ACO2: variants seen among roughly 807,000 people sequenced by gnomAD.
ACO2 encodes the protein aconitase 2, also known as aconitate hydratase, mitochondrial.
Under a neutral mutation model 84.5 loss-of-function variants are expected in ACO2, and 31 were observed. That is an observed-to-expected ratio of 0.37 (90% confidence interval 0.28 to 0.50). The LOEUF (loss-of-function observed/expected upper bound fraction) is 0.50, where lower values mean the gene tolerates loss of function less well. Ranked by LOEUF, ACO2 falls within the 20% of genes least tolerant of loss-of-function variation. The pLI is 0.97. For synonymous variants in ACO2, 414 were observed against 412.7 expected (o/e 1.00, Z -0.04); for missense variants, 685 against 1,029.3 (o/e 0.67, Z 4.58).
rs59945427 is a variant in ACO2 at position 41,505,427 on chromosome 22, C to CAATAATAAT, written c.174-2345_174-2337dup. On this transcript the variant is annotated intron_variant, in intron 2 of 17. Transcript: ENST00000216254. ...GCAAGACCCTGTCTCAAAATAATAA[C>CAATAATAAT]AATAATAATAATAATAATAATAATA... Among the ~76,000 whole-genome samples, 1,080 of 148,772 alleles carry CAATAATAAT rather than the reference C, an allele frequency of 7.3e-3. 18 individuals carry two copies. The highest frequency in any genetic ancestry group is 0.026 in the African/African-American group (1,034 of 40,488).
chr22:41,522,911 G>GC lies in ACO2; in HGVS notation c.1222dup (p.Leu408ProfsTer21). 1 of 1,614,214 alleles carries GC rather than the reference G, an allele frequency of 6.2e-7. No homozygotes were observed. Among genetic ancestry groups the GC allele is most frequent in the Non-Finnish European group, 8.5e-7 (1 of 1,180,040 alleles). ...GTGGCCAAGCAGGCACTGGCCCATGGCCTCAAGTGCAAGTCCCAGTTCACC... is the reference window on the plus strand; with the variant it reads ...GTGGCCAAGCAGGCACTGGCCCATGGCCCTCAAGTGCAAGTCCCAGTTCACC... On this transcript the variant is annotated frameshift_variant, in exon 10 of 18. Transcript: ENST00000216254. LOFTEE classifies it high-confidence loss of function.
At chr22:41,503,910 A>G (rs1264774338) in intron 2 of ACO2, among the ~76,000 whole-genome samples, 1 of 152,134 alleles carries the variant, frequency 6.6e-6, no homozygotes, top group Non-Finnish European at 1.5e-5. Flanking sequence ...AGGTGAGGTT[A>G]TGCTAAAAAG....
At chr22:41,513,133 C>G (rs1279017079) in intron 4 of ACO2, among the ~76,000 whole-genome samples, 6 of 152,226 alleles carry the variant, frequency 3.9e-5, no homozygotes, top group African/African-American at 1.2e-4. Context: ...TAGAAAGCCC[C>G]TCTCTGCAGC....
intron 2 of ACO2, among the ~76,000 whole-genome samples, chr22:41,504,911 GT>G (rs1192148048): frequency 6.6e-6 from 1 of 151,290 alleles, no homozygotes; most frequent in Non-Finnish European, 1.5e-5. Context: ...TTTTGTACAG[GT>G]GGAGTTGCCC....
chr22:41,528,271 AC>A, intron 17 of ACO2: 1 of 850,184 alleles, frequency 1.2e-6, no homozygotes, highest in Non-Finnish European at 1.8e-6. Context: ...GGGACAGCCC[AC>A]CCACTGCAGG....
chr22:41,507,428 G>T (rs754173525), intron 2 of ACO2, among the ~76,000 whole-genome samples: 4 of 152,164 alleles, frequency 2.6e-5, no homozygotes, highest in Non-Finnish European at 4.4e-5. Context: ...CTTGGTTGTT[G>T]TTGTTGTTAA....
At chr22:41,523,758 G>T in intron 11 of ACO2, 72 bp from the exon 12 acceptor site, 2 of 1,382,336 alleles carry the variant, frequency 1.4e-6, no homozygotes, top group Middle Eastern at 5.0e-4. Context: ...CAGGAACCCA[G>T]CTTATCTGTC....
chr22:41,477,879 A>G (rs1156975013), intron 1 of ACO2, among the ~76,000 whole-genome samples: 2 of 151,938 alleles, frequency 1.3e-5, no homozygotes, highest in South Asian at 2.1e-4. Context: ...AGTGTGGCCA[A>G]TGTAGTGAAA....
At chr22:41,508,078 C>T (rs1419024947) in intron 3 of ACO2, 29 bp downstream of exon 3, 1 of 1,593,522 alleles carries the variant, frequency 6.3e-7, no homozygotes, top group South Asian at 1.1e-5. Flanking sequence ...TGGGGGTGGG[C>T]AAGTGGGCAA....
chr22:41,519,457 A>T (rs939512214), intron 8 of ACO2, among the ~76,000 whole-genome samples: 1 of 152,268 alleles, frequency 6.6e-6, no homozygotes, highest in African/African-American at 2.4e-5. Flanking sequence ...AGTGCCTCGC[A>T]TTTACTGATG....
Position 41,517,529 on chromosome 22 carries a change from A to G in ACO2, c.838A>G (p.Met280Val), listed in dbSNP as rs372292167. The G allele has an allele frequency of 3.1e-6, 5 of 1,613,592 alleles. No individual in the cohort carries two copies. Among genetic ancestry groups the G allele is most frequent in the Non-Finnish European group, 4.2e-6 (5 of 1,179,938 alleles). The stretch of plus-strand genomic sequence containing the variant: ...CCCGGGGCTCTGTTGCTCCACAGGC[A>G]TGGCGACAATCTGCAACATGGGTGC... Reference protein sequence around the residue: ...PGVDSISCTGMATICNMGAEI... With the variant: ...PGVDSISCTGVATICNMGAEI... Residue 280 changes from methionine to valine, a missense_variant and splice_region_variant, in exon 7 of 18, where the codon ATG becomes GTG. Coordinates refer to ENST00000216254, the MANE Select transcript of ACO2 (RefSeq NM_001098.3).
intron 1 of ACO2, among the ~76,000 whole-genome samples, chr22:41,490,384 GTTCAA>G (rs1379789440): frequency 6.6e-6 from 1 of 152,156 alleles, no homozygotes; most frequent in Non-Finnish European, 1.5e-5. Flanking sequence ...CACTTTCAGT[GTTCAA>G]TTCATTAGTA....
chr22:41,495,454 G>C (rs531229019), intron 1 of ACO2, among the ~76,000 whole-genome samples: 2 of 151,540 alleles, frequency 1.3e-5, no homozygotes, highest in Admixed American at 1.3e-4. Context: ...TCCTGGCCCA[G>C]CATTATTTCT....
chr22:41,516,167 C>T, intron 6 of ACO2: 1 of 626,276 alleles, frequency 1.6e-6, no homozygotes, highest in East Asian at 2.7e-5. Context: ...TGTGTGGCCA[C>T]ACACGGTTAG....
chr22:41,526,880 G>C (rs2066609937), intron 15 of ACO2: 1 of 319,352 alleles, frequency 3.1e-6, no homozygotes, highest in South Asian at 4.0e-5. Context: ...CCAGCCGGGT[G>C]AAAGGACTCT....
At chr22:41,477,399 TCCA>T (rs2038030739) in intron 1 of ACO2, among the ~76,000 whole-genome samples, 2 of 151,636 alleles carry the variant, frequency 1.3e-5, no homozygotes, top group Non-Finnish European at 2.9e-5. Context: ...GACCTTGTGA[TCCA>T]CCTGCCTCGG....
At position 41,515,545 on chromosome 22, in the gene ACO2, G is replaced by C; in HGVS notation, c.684+10G>C. On this transcript the variant is annotated intron_variant, in intron 5 of 17. Coordinates refer to ENST00000216254, the MANE Select transcript of ACO2 (RefSeq NM_001098.3). This position sits in a 1 kb window ranked among gnomAD's most constrained non-coding sequence, Gnocchi z 5.8. Reference sequence around the variant, plus strand: ...GCTGAAGTGCCCCAAGGTGAGGGTGGGGAGGGACTCATTCTGGGCTGGCTG... The same window carrying C: ...GCTGAAGTGCCCCAAGGTGAGGGTGCGGAGGGACTCATTCTGGGCTGGCTG... 1.2e-6 allele frequency: 2 copies of C among 1,604,240 alleles called. No homozygotes were observed. The highest frequency in any genetic ancestry group is 4.5e-5 in the East Asian group (2 of 44,806).
At chr22:41,519,641 T>TA (rs1278023349) in intron 8 of ACO2, among the ~76,000 whole-genome samples, 1 of 151,586 alleles carries the variant, frequency 6.6e-6, no homozygotes, top group Non-Finnish European at 1.5e-5. Context: ...CCGTCTCTAC[T>TA]AAAAAAATAC....
At chr22:41,527,725 C>G (rs1326756266) in intron 16 of ACO2, 176 bp from the exon 17 acceptor site, 1 of 1,064,804 alleles carries the variant, frequency 9.4e-7, no homozygotes, top group African/African-American at 1.6e-5. Flanking sequence ...CACCAGCGCA[C>G]ACTTGCTAGG....
Sources: allele counts gnomAD v4.1 joint callset (sites outside exome capture counted in the v4.1 genomes callset), GRCh38; gene constraint gnomAD v4.1.1; non-coding constraint Gnocchi (gnomAD v3.1); transcripts MANE v1.5; gene names NCBI Gene and HGNC (gene_info 2026-07-23, HGNC 2026-07-21).